The following GOLIM4 variants were observed in gnomAD, a reference collection of about 807,000 sequenced individuals.
The protein encoded by GOLIM4 is 130 kDa golgi-localized phosphoprotein.
Under a neutral mutation model 107.4 loss-of-function variants are expected in GOLIM4, and 71 were observed. The ratio of observed to expected loss-of-function variants is 0.66; its 90% CI spans 0.55 to 0.81. The LOEUF is 0.81. GOLIM4 is among the 30% of genes least tolerant of loss of function. The pLI, the probability that GOLIM4 is intolerant of heterozygous loss-of-function variation, is 0.00. For missense variants in GOLIM4, 830 were observed against 826.1 expected (o/e 1.00, Z -0.06); for synonymous variants, 327 against 294.8 (o/e 1.11, Z -1.12).
At chr3:168,033,043 G>A (rs561359239) in intron 8 of GOLIM4, among the ~76,000 whole-genome samples, 191 bp from the exon 9 acceptor site, 5 of 152,162 alleles carry the variant, frequency 3.3e-5, no homozygotes, top group African/African-American at 1.2e-4. Context: ...TTATAAAATA[G>A]ACATAATATA....
intron 1 of GOLIM4, among the ~76,000 whole-genome samples, chr3:168,065,329 T>A (rs185831740): frequency 5.3e-4 from 80 of 152,338 alleles, no homozygotes; most frequent in African/African-American, 1.8e-3. Flanking sequence ...AAGATTCAGT[T>A]TAGCACAATG....
At chr3:168,088,171 T>C (rs1274726196) in intron 1 of GOLIM4, among the ~76,000 whole-genome samples, 2 of 152,038 alleles carry the variant, frequency 1.3e-5, no homozygotes. Flanking sequence ...ATGTAAAGCA[T>C]TTTCAGGTTT....
intron 1 of GOLIM4, among the ~76,000 whole-genome samples, chr3:168,088,986 A>G (rs1721762233): frequency 6.6e-6 from 1 of 152,224 alleles, no homozygotes; most frequent in African/African-American, 2.4e-5. Context: ...CAGTACTCTC[A>G]TTAGAGTTGG....
At chr3:168,032,939 G>T in intron 8 of GOLIM4, 87 bp from the exon 9 acceptor site, 1 of 997,642 alleles carries the variant, frequency 1.0e-6, no homozygotes, top group Non-Finnish European at 1.5e-6. Flanking sequence ...TATGGGGCAT[G>T]GGGCTACAAC....
intron 1 of GOLIM4, among the ~76,000 whole-genome samples, chr3:168,085,262 C>T (rs1461387195): frequency 3.9e-5 from 6 of 152,122 alleles, no homozygotes; most frequent in Non-Finnish European, 8.8e-5. Flanking sequence ...CTTATAAAAT[C>T]GGTTTGTTAA....
chr3:168,010,831 A>T lies in GOLIM4; in HGVS notation c.1861-8T>A. 6.3e-7 allele frequency: 1 copy of T among 1,587,310 alleles called. No individual in the cohort carries two copies. The highest frequency in any genetic ancestry group is 1.3e-5 in the African/African-American group (1 of 74,618). On this transcript the variant is annotated splice_region_variant and splice_polypyrimidine_tract_variant and intron_variant, in intron 14 of 15. Coordinates refer to ENST00000470487, the MANE Select transcript of GOLIM4 (RefSeq NM_014498.5). ...AGTCAAATCTTCCTGAACCTAAAACAAACCACAGATATCATTTAAACACTT... is the reference window on the plus strand; with the variant it reads ...AGTCAAATCTTCCTGAACCTAAAACTAACCACAGATATCATTTAAACACTT...
chr3:168,070,527 A>C (rs1377633056), intron 1 of GOLIM4, among the ~76,000 whole-genome samples: 1 of 152,246 alleles, frequency 6.6e-6, no homozygotes, highest in East Asian at 1.9e-4. Flanking sequence ...GCATCATTAA[A>C]GTCTCTAAAG....
intron 1 of GOLIM4, among the ~76,000 whole-genome samples, chr3:168,065,396 T>TA (rs1460145818): frequency 2.0e-5 from 3 of 152,358 alleles, no homozygotes; most frequent in African/African-American, 7.2e-5. Flanking sequence ...GACTATTTTT[T>TA]ATCTGTCACC....
intron 1 of GOLIM4, among the ~76,000 whole-genome samples, chr3:168,056,346 T>G (rs1301736692): frequency 6.6e-6 from 1 of 152,240 alleles, no homozygotes; most frequent in East Asian, 1.9e-4. Flanking sequence ...GGCAGAAGTT[T>G]GCTCAGGGGG....
At position 168,046,994 on chromosome 3, in the gene GOLIM4, G is replaced by A. The variant is rs1719342340; in HGVS notation, c.268C>T (p.Leu90Phe). ...LEHKKAKEDFLVYKLEAQETL... is the reference protein window; with the variant it reads ...LEHKKAKEDFFVYKLEAQETL... ...TCTTGTGCTTCTAACTTATAAACAA[G>A]AAAATCTAGAAAATACAAGATGGAA... The change falls in exon 3 of 16, where the codon CTT (leucine) becomes TTT (phenylalanine). Residue 90 changes from leucine (L) to phenylalanine (F), a missense_variant. Transcript: ENST00000470487. 8.1e-7 allele frequency: 1 copy of A among 1,228,498 alleles called. No homozygotes were observed. The highest frequency in any genetic ancestry group is 2.5e-5 in the Admixed American group (1 of 40,356). The allele number at this position is 1,228,498 out of a possible 1,614,324, so 76.1% of individuals were successfully genotyped here. A position where few individuals can be genotyped will look rare whatever the true frequency, so the allele number is the denominator to read the frequency against.
At chr3:168,079,650 T>C (rs12488631) in intron 1 of GOLIM4, among the ~76,000 whole-genome samples, 27,669 of 152,164 alleles carry the variant, frequency 0.18, 2,776 homozygotes, top group Middle Eastern at 0.26. Context: ...AATACTTTGT[T>C]CAGGGTTTTA....
chr3:168,033,606 C>A (rs1400551228), intron 8 of GOLIM4, among the ~76,000 whole-genome samples: 2 of 31,306 alleles, frequency 6.4e-5, no homozygotes, highest in Non-Finnish European at 1.2e-4. Flanking sequence ...GACTCCGTCT[C>A]AAAAAAAAAA....
At chr3:168,059,948 T>C (rs915285920) in intron 1 of GOLIM4, among the ~76,000 whole-genome samples, 8 of 151,988 alleles carry the variant, frequency 5.3e-5, no homozygotes, top group African/African-American at 1.7e-4. Context: ...CACTGGGATG[T>C]CCTCAGAGAA....
At chr3:168,040,933 A>C in intron 6 of GOLIM4, 64 bp from the exon 7 acceptor site, 8 of 1,030,008 alleles carry the variant, frequency 7.8e-6, no homozygotes, top group African/African-American at 1.6e-5. Context: ...TCTTTGGCTG[A>C]TCGTGATATG....
At chr3:168,088,825 T>C (rs73176808) in intron 1 of GOLIM4, among the ~76,000 whole-genome samples, 52,383 of 152,158 alleles carry the variant, frequency 0.34, 9,944 homozygotes, top group East Asian at 0.57. Context: ...TGTGGTATTG[T>C]ACCCCAGCCC....
At chr3:168,024,474 A>G in intron 14 of GOLIM4, 52 bp downstream of exon 14, 1 of 1,190,718 alleles carries the variant, frequency 8.4e-7, no homozygotes, top group Non-Finnish European at 1.3e-6. Flanking sequence ...GTTTAAGGTT[A>G]GTGTGTGTGA....
rs183505362 is a variant in GOLIM4 at position 168,041,051 on chromosome 3, A to G, written c.601-182T>C. On this transcript the variant is annotated intron_variant, in intron 6 of 15. Transcript: ENST00000470487. ...CGCTTTATGTAGTATTCCAAAATCT[A>G]AAACGTGCTACCCAAATATCATAAT... The G allele has an allele frequency of 5.8e-6, 3 of 520,412 alleles. No homozygotes were observed. In the African/African-American group the frequency reaches 5.8e-5, roughly 10 times the overall value. The allele number at this position is 520,412 out of a possible 1,614,324, so 32.2% of individuals were successfully genotyped here. A position where few individuals can be genotyped will look rare whatever the true frequency, so the allele number is the denominator to read the frequency against.
At chr3:168,039,341 C>T (rs1052068178) in intron 7 of GOLIM4, among the ~76,000 whole-genome samples, 2 of 150,672 alleles carry the variant, frequency 1.3e-5, no homozygotes, top group African/African-American at 4.9e-5. Context: ...CGGCTCACTG[C>T]AGCCTCCGCC....
intron 1 of GOLIM4, among the ~76,000 whole-genome samples, chr3:168,086,437 C>G (rs994599518): frequency 2.0e-5 from 3 of 152,000 alleles, no homozygotes; most frequent in Admixed American, 1.3e-4. Flanking sequence ...ACAAAGATTC[C>G]AATTAAAGGA....
Sources: allele counts gnomAD v4.1 joint callset (sites outside exome capture counted in the v4.1 genomes callset), GRCh38; gene constraint gnomAD v4.1.1; transcripts MANE v1.5; gene names NCBI Gene and HGNC (gene_info 2026-07-23, HGNC 2026-07-21).